EYS: variants seen among roughly 807,000 people sequenced by gnomAD.
EYS encodes the protein EGF-like photoreceptor maintenance factor.
In EYS, 250 loss-of-function variants were observed where a neutral mutation model predicts 282.1. That is an observed-to-expected ratio of 0.89 (90% CI 0.80 to 0.98). EYS has a LOEUF of 0.98. EYS is among the 50% of genes least tolerant of loss of function. EYS has a pLI of 0.00. For missense variants in EYS, 4,016 were observed against 3,709.0 expected (o/e 1.08, Z -2.15); for synonymous variants, 1,355 against 1,282.9 (o/e 1.06, Z -1.20).
At chr6:64,799,153 G>A (rs1231569849) in intron 22 of EYS, among the ~76,000 whole-genome samples, 1 of 151,796 alleles carries the variant, frequency 6.6e-6, no homozygotes, top group African/African-American at 2.4e-5. Flanking sequence ...TTTTTTACAA[G>A]TCTCCATCCT....
intron 1 of EYS, among the ~76,000 whole-genome samples, chr6:65,669,534 T>A (rs1463812598): frequency 1.3e-5 from 2 of 151,928 alleles, no homozygotes; most frequent in East Asian, 3.9e-4. Context: ...ATGATGTCAA[T>A]AGCTGTCCCT....
intron 12 of EYS, among the ~76,000 whole-genome samples, chr6:65,214,158 C>CAAAAAAAA (rs58213904): frequency 2.1e-4 from 6 of 29,254 alleles, no homozygotes; most frequent in Admixed American, 7.6e-4. Flanking sequence ...GACTCCGTCT[C>CAAAAAAAA]AAAAAAAAAA....
At chr6:64,470,507 G>A (rs995884723) in intron 26 of EYS, among the ~76,000 whole-genome samples, 7 of 152,088 alleles carry the variant, frequency 4.6e-5, no homozygotes, top group Non-Finnish European at 7.4e-5. Context: ...AGACTAGATC[G>A]GGGTGTCCAA....
At chr6:64,029,129 A>T (rs751495803) in intron 33 of EYS, among the ~76,000 whole-genome samples, 1 of 152,198 alleles carries the variant, frequency 6.6e-6, no homozygotes, top group Non-Finnish European at 1.5e-5. Context: ...AGGCAGAAAC[A>T]GCCTTCAAAA....
At chr6:64,285,797 C>A (rs1443612086) in intron 30 of EYS, among the ~76,000 whole-genome samples, 1 of 152,078 alleles carries the variant, frequency 6.6e-6, no homozygotes, top group Non-Finnish European at 1.5e-5. Flanking sequence ...AGTGGAAACC[C>A]CTGATAAACC....
intron 1 of EYS, among the ~76,000 whole-genome samples, chr6:65,665,773 C>T (rs904415204): frequency 2.6e-5 from 4 of 151,972 alleles, no homozygotes; most frequent in Non-Finnish European, 5.9e-5. Context: ...GAAACAACCA[C>T]CAGAACTAAA....
At chr6:65,167,636 TCCTG>T (rs1765005837) in intron 12 of EYS, among the ~76,000 whole-genome samples, 1 of 151,230 alleles carries the variant, frequency 6.6e-6, no homozygotes, top group African/African-American at 2.4e-5. Flanking sequence ...TCAATCTTGC[TCCTG>T]CCTTATAGAA....
At chr6:63,941,527 G>C (rs541758720) in intron 35 of EYS, among the ~76,000 whole-genome samples, 1 of 152,136 alleles carries the variant, frequency 6.6e-6, no homozygotes, top group East Asian at 1.9e-4. Context: ...TTTTTGATGG[G>C]GTTGTTTGAT....
intron 22 of EYS, among the ~76,000 whole-genome samples, chr6:64,676,841 A>G (rs1225681306): frequency 6.6e-6 from 1 of 152,126 alleles, no homozygotes; most frequent in African/African-American, 2.4e-5. Flanking sequence ...TCCTTTCATG[A>G]GGGCTCTGCT....
chr6:64,222,891 G>T (rs937031199), intron 31 of EYS, among the ~76,000 whole-genome samples: 6 of 151,596 alleles, frequency 4.0e-5, no homozygotes, highest in African/African-American at 1.5e-4. Context: ...TCAGTAATTT[G>T]TTTTAGTCTT....
chr6:64,533,399 TA>T (rs1398948933), intron 26 of EYS, among the ~76,000 whole-genome samples: 4 of 152,150 alleles, frequency 2.6e-5, no homozygotes, highest in Admixed American at 6.5e-5. Context: ...ATCAATTATC[TA>T]TGTACATTAA....
At chr6:64,099,151 A>G (rs973990951) in intron 31 of EYS, among the ~76,000 whole-genome samples, 3 of 152,198 alleles carry the variant, frequency 2.0e-5, no homozygotes, top group African/African-American at 7.2e-5. Context: ...ATGGCTCATT[A>G]AGATTTCAAA....
rs188930989 is a variant in EYS at position 65,298,204 on chromosome 6, C to T, written c.1767-2085G>A. ...CTCTAAATTATATATGGGAAGCTTA[C>T]GGCATTGAGAATATTTTTGAAAATT... On this transcript the variant is annotated intron_variant, in intron 11 of 42. Transcript: ENST00000503581. Among the ~76,000 whole-genome samples, 156 of 152,068 alleles carry T rather than the reference C, an allele frequency of 1.0e-3. 4 individuals are homozygous for T. The East Asian group carries it at 0.022, about 22-fold the overall frequency.
At chr6:65,252,143 A>C (rs1767343545) in intron 12 of EYS, among the ~76,000 whole-genome samples, 1 of 151,876 alleles carries the variant, frequency 6.6e-6, no homozygotes, top group Non-Finnish European at 1.5e-5. Flanking sequence ...TTAAACCCCA[A>C]CTTCCTGGCA....
intron 35 of EYS, among the ~76,000 whole-genome samples, chr6:63,929,641 A>T (rs888907325): frequency 1.3e-5 from 2 of 152,276 alleles, no homozygotes; most frequent in South Asian, 4.1e-4. Context: ...TGCTATTACT[A>T]TTAAATTTTC....
chr6:65,081,321 C>T (rs1288383559), intron 12 of EYS, among the ~76,000 whole-genome samples: 2 of 151,964 alleles, frequency 1.3e-5, no homozygotes, highest in Non-Finnish European at 2.9e-5. Flanking sequence ...CCATAGCTAA[C>T]CTAAGGCAAC....
At chr6:64,202,200 T>G (rs1582420647) in intron 31 of EYS, among the ~76,000 whole-genome samples, 1 of 152,314 alleles carries the variant, frequency 6.6e-6, no homozygotes, top group East Asian at 1.9e-4. Context: ...GTGCTTTCCT[T>G]TGTTGGTTTC....
At chr6:65,271,183 G>C (rs1767894286) in intron 12 of EYS, among the ~76,000 whole-genome samples, 1 of 106,160 alleles carries the variant, frequency 9.4e-6, no homozygotes, top group South Asian at 3.3e-4. Context: ...TTGGCTCACA[G>C]GAAGCTGGAA....
chr6:64,546,496 A>G (rs376999615), intron 26 of EYS, among the ~76,000 whole-genome samples: 2 of 151,976 alleles, frequency 1.3e-5, no homozygotes, highest in African/African-American at 4.8e-5. Context: ...AAAAGCAATG[A>G]CAACAAAAGC....
Sources: gnomAD v4.1 joint callset for allele counts (sites outside exome capture counted in the v4.1 genomes callset) on GRCh38, gnomAD v4.1.1 for gene constraint, MANE v1.5 for transcripts, NCBI Gene and HGNC (gene_info 2026-07-23, HGNC 2026-07-21) for gene names.